BDNF: variants seen among roughly 807,000 people sequenced by gnomAD.
The protein encoded by BDNF is neurotrophic factor BDNF precursor form.
In BDNF, 1 loss-of-function variant was observed where a neutral mutation model predicts 19.5. The observed-to-expected ratio is 0.05, with a 90% CI of 0.02 to 0.24. The LOEUF is 0.24. Ranked by LOEUF, BDNF falls within the 10% of genes least tolerant of loss-of-function variation. BDNF has a pLI of 1.00. For synonymous variants in BDNF, 100 were observed against 121.6 expected (o/e 0.82, Z 1.17); for missense variants, 195 against 317.6 (o/e 0.61, Z 2.93).
At chr11:27,688,459 GA>G (rs1478127480) in intron 1 of BDNF, among the ~76,000 whole-genome samples, 5 of 152,158 alleles carry the variant, frequency 3.3e-5, no homozygotes, top group Admixed American at 1.3e-4. Flanking sequence ...TGGGGTATGA[GA>G]AAAAACTCCT....
chr11:27,680,477 A>G (rs2133954621), intron 1 of BDNF, among the ~76,000 whole-genome samples: 1 of 152,342 alleles, frequency 6.6e-6, no homozygotes, highest in Non-Finnish European at 1.5e-5. Flanking sequence ...GGAAATCATA[A>G]CCCATTTATG....
chr11:27,686,585 C>T (rs1329067139), intron 1 of BDNF, among the ~76,000 whole-genome samples: 2 of 152,160 alleles, frequency 1.3e-5, no homozygotes, highest in East Asian at 3.8e-4. Context: ...TCTTGTAAGG[C>T]ATGCCTGGTG....
At position 27,658,661 on chromosome 11, in the gene BDNF, GATTGTA is replaced by G; in HGVS notation, c.-21-82_-21-77del. ...CACCGGGATGCCATGTGGCCCATCT[GATTGTA>G]ATTCCAGGCCATTCTGCAGGGTCAA... On this transcript the variant is annotated intron_variant, in intron 1 of 1. Coordinates refer to ENST00000356660, the MANE Select transcript of BDNF (RefSeq NM_001709.5). The surrounding 1 kb of genome is among the most constrained non-coding windows in gnomAD (Gnocchi z 5.7). 3 of 1,612,610 alleles carry G rather than the reference GATTGTA, an allele frequency of 1.9e-6. No individual in the cohort carries two copies. Among genetic ancestry groups the G allele is most frequent in the Non-Finnish European group, 2.5e-6 (3 of 1,179,630 alleles).
exon 1 of BDNF, chr11:27,721,888 C>T (rs944880125): frequency 8.9e-5 from 16 of 180,090 alleles, no homozygotes; most frequent in Non-Finnish European, 1.5e-4. Context: ...GCCTGCACAC[C>T]GCTCCCTTGC....
upstream of BDNF, among the ~76,000 whole-genome samples, chr11:27,701,992 C>T (rs1336784174): frequency 6.7e-6 from 1 of 149,818 alleles, no homozygotes; most frequent in African/African-American, 2.5e-5. Flanking sequence ...CTGCCCGCAG[C>T]AAAAGAGCAA....
intron 1 of BDNF, chr11:27,659,633 G>GTGTGTT (rs1853096042): frequency 1.0e-5 from 10 of 982,532 alleles, no homozygotes; most frequent in African/African-American, 1.8e-5. Flanking sequence ...TTCTCTCTGT[G>GTGTGTT]TGTGTGTGTG....
chr11:27,673,536 A>G (rs1462877680), intron 1 of BDNF, among the ~76,000 whole-genome samples: 1 of 152,204 alleles, frequency 6.6e-6, no homozygotes, highest in Non-Finnish European at 1.5e-5. Context: ...ACTTTCTGCC[A>G]TGAAATGCTA....
At chr11:27,699,750 C>T in intron 1 of BDNF, 1 of 1,305,514 alleles carries the variant, frequency 7.7e-7, no homozygotes, top group African/African-American at 1.5e-5. Context: ...ACCACCCACC[C>T]CCTGGAAGGA....
intron 1 of BDNF, among the ~76,000 whole-genome samples, chr11:27,681,933 T>C (rs35038967): frequency 6.6e-6 from 1 of 151,934 alleles, no homozygotes; most frequent in Non-Finnish European, 1.5e-5. Context: ...AGGCCTGGAG[T>C]CAAACTCGAT....
At position 27,656,850 on chromosome 11, in the gene BDNF, A is replaced by G. The variant is rs1019958167; in HGVS notation, c.*971T>C. 7.0e-5 allele frequency: 69 copies of G among 985,216 alleles called. No individual in the cohort carries two copies. The highest frequency in any genetic ancestry group is 8.2e-5 in the Non-Finnish European group (68 of 829,932). 61.0% of individuals were successfully genotyped at this position (985,216 alleles called of 1,614,324 possible). A position where few individuals can be genotyped will look rare whatever the true frequency, so the allele number is the denominator to read the frequency against. ...TGTTCTCCATGCTTATACGAGTGTC[A>G]TGATGTGACACAATGTGTTCACTTG... On this transcript the variant is annotated 3_prime_UTR_variant, in exon 2 of 2. Coordinates refer to ENST00000356660, the MANE Select transcript of BDNF (RefSeq NM_001709.5).
rs201090951 is a variant in BDNF, at chr11:27,672,787, G to GA, written c.-21-14203dup. ...GTACTTAAAATGGCTTTTAAAAAAG[G>GA]AAAAAAGGTTAGATTTCCAGAGAAA... On this transcript the variant is annotated intron_variant, in intron 1 of 1. Transcript: ENST00000356660. Among the ~76,000 whole-genome samples the GA allele has an allele frequency of 7.6e-3, 1,154 of 152,140 alleles. 3 individuals carry two copies. The highest frequency in any genetic ancestry group is 0.012 in the Non-Finnish European group (820 of 67,962).
intron 1 of BDNF, chr11:27,691,129 T>TA (rs1166760167): frequency 6.6e-6 from 1 of 152,148 alleles, no homozygotes; most frequent in Admixed American, 6.5e-5. Context: ...CTTCAATCTT[T>TA]AAAAAAGAGA....
intron 1 of BDNF, chr11:27,660,049 C>G (rs11030102): frequency 0.21 from 82,151 of 387,484 alleles, 9,716 homozygotes; most frequent in Non-Finnish European, 0.25. Flanking sequence ...GAGGCATGGA[C>G]TTACAAAAAG....
upstream of BDNF, among the ~76,000 whole-genome samples, chr11:27,704,713 T>C (rs1342681996): frequency 6.6e-6 from 1 of 152,224 alleles, no homozygotes; most frequent in Non-Finnish European, 1.5e-5. Context: ...TTGAAAGGCC[T>C]GGTCCAATGT....
chr11:27,700,485 C>T (rs1400368445), upstream of BDNF: 9 of 983,098 alleles, frequency 9.2e-6, no homozygotes, highest in African/African-American at 1.8e-5. Flanking sequence ...CATTATTTAG[C>T]TCTTCGGTTG....
At chr11:27,670,052 A>T (rs947188002) in intron 1 of BDNF, among the ~76,000 whole-genome samples, 12 of 152,338 alleles carry the variant, frequency 7.9e-5, no homozygotes, top group African/African-American at 2.4e-4. Flanking sequence ...TACTGGTACC[A>T]AAACAGAGAT....
At chr11:27,690,439 TCA>T (rs149036227) in intron 1 of BDNF, among the ~76,000 whole-genome samples, 27 of 149,854 alleles carry the variant, frequency 1.8e-4, no homozygotes, top group Admixed American at 2.7e-4. Context: ...TTTTTGAGAT[TCA>T]CACACACACA....
chr11:27,667,707 A>G (rs1185844804), intron 1 of BDNF, among the ~76,000 whole-genome samples: 1 of 152,244 alleles, frequency 6.6e-6, no homozygotes, highest in East Asian at 1.9e-4. Flanking sequence ...CAATTCAACA[A>G]GAAGAGCTAA....
At chr11:27,720,739 G>A (rs538679939) in intron 1 of BDNF, 1 of 986,108 alleles carries the variant, frequency 1.0e-6, no homozygotes, top group African/African-American at 1.7e-5. Context: ...ACAGCAGGAG[G>A]AAAAGGCTTA....
Sources: gnomAD v4.1 joint callset for allele counts (sites outside exome capture counted in the v4.1 genomes callset) on GRCh38, gnomAD v4.1.1 for gene constraint, Gnocchi (gnomAD v3.1) non-coding constraint, MANE v1.5 for transcripts, NCBI Gene and HGNC (gene_info 2026-07-23, HGNC 2026-07-21) for gene names.